Variants in WDFY2 observed in about 807,000 individuals in gnomAD.
WDFY2 encodes WD repeat and FYVE domain-containing protein 2.
In WDFY2, 36 loss-of-function variants were observed where a neutral mutation model predicts 56.4. The observed-to-expected ratio is 0.64, with a 90% CI of 0.49 to 0.84. The LOEUF is 0.84. WDFY2 is among the 40% of genes least tolerant of loss of function. The pLI, the probability that WDFY2 is intolerant of heterozygous loss-of-function variation, is 0.00. For missense variants in WDFY2, 444 were observed against 512.2 expected (o/e 0.87, Z 1.29); for synonymous variants, 176 against 183.7 (o/e 0.96, Z 0.34).
intron 3 of WDFY2, among the ~76,000 whole-genome samples, chr13:51,695,594 T>TG (rs1477638522): frequency 6.6e-6 from 1 of 152,180 alleles, no homozygotes; most frequent in Non-Finnish European, 1.5e-5. Flanking sequence ...CTGCCCCTAC[T>TG]GGGGGGTGCC....
At chr13:51,745,980 T>TTTTC (rs1953093088) in intron 7 of WDFY2, among the ~76,000 whole-genome samples, 2 of 141,240 alleles carry the variant, frequency 1.4e-5, no homozygotes, top group African/African-American at 5.2e-5. Flanking sequence ...TTTCTTTTTT[T>TTTTC]TTTTTTTTTT....
intron 4 of WDFY2, among the ~76,000 whole-genome samples, chr13:51,703,946 A>C (rs1952035981): frequency 6.6e-6 from 1 of 152,214 alleles, no homozygotes; most frequent in Non-Finnish European, 1.5e-5. Context: ...AGGTTTAGAA[A>C]GTGGGTCCAG....
Position 51,675,357 on chromosome 13 carries a change from G to A in WDFY2, c.279+114G>A. The A allele has an allele frequency of 3.2e-6, 3 of 935,394 alleles. No individual in the cohort carries two copies. The South Asian group carries it at 4.7e-5, about 15-fold the overall frequency. 57.9% of individuals were successfully genotyped at this position (935,394 alleles called of 1,614,324 possible). A position where few individuals can be genotyped will look rare whatever the true frequency, so the allele number is the denominator to read the frequency against. ...GAAGAATTTTCTTGCTAAGTAGAAT[G>A]AAAATTGCAGCGTAGCAAATTATGG... On this transcript the variant is annotated intron_variant, in intron 3 of 11. Coordinates refer to ENST00000298125, the MANE Select transcript of WDFY2 (RefSeq NM_052950.4).
chr13:51,584,498 T>G lies in WDFY2; in HGVS notation c.-190T>G. On this transcript the variant is annotated 5_prime_UTR_variant, in exon 1 of 12. Coordinates refer to ENST00000298125, the MANE Select transcript of WDFY2 (RefSeq NM_052950.4). Reference sequence around the variant, plus strand: ...GGCTTGCATCCCAGGTCGTGGCGGTTTTGGTGCCTGAAGCAGGGAGCGCGG... The same window carrying G: ...GGCTTGCATCCCAGGTCGTGGCGGTGTTGGTGCCTGAAGCAGGGAGCGCGG... 4.1e-6 allele frequency: 3 copies of G among 726,020 alleles called. No individual in the cohort carries two copies. The highest frequency in any genetic ancestry group is 6.3e-6 in the Non-Finnish European group (3 of 473,588). 45.0% of individuals were successfully genotyped at this position (726,020 alleles called of 1,614,324 possible).
intron 2 of WDFY2, among the ~76,000 whole-genome samples, chr13:51,670,331 CTT>C (rs1946051252): frequency 6.6e-6 from 1 of 152,122 alleles, no homozygotes; most frequent in African/African-American, 2.4e-5. Flanking sequence ...AAAAGGAAGA[CTT>C]TACTGTAACA....
At chr13:51,585,282 TC>T (rs1385781761) in intron 1 of WDFY2, among the ~76,000 whole-genome samples, 1 of 152,228 alleles carries the variant, frequency 6.6e-6, no homozygotes, top group African/African-American at 2.4e-5. Context: ...CACTCCTTCT[TC>T]CCAGACATTC....
chr13:51,749,850 G>A (rs138319582), intron 7 of WDFY2, among the ~76,000 whole-genome samples: 18 of 152,090 alleles, frequency 1.2e-4, no homozygotes, highest in Non-Finnish European at 1.5e-4. Flanking sequence ...AAGTTGATAC[G>A]CTACAAAACA....
chr13:51,726,880 G>A (rs1952616274), intron 5 of WDFY2, among the ~76,000 whole-genome samples: 2 of 151,992 alleles, frequency 1.3e-5, no homozygotes. Flanking sequence ...AGAGATTTGG[G>A]CCCTTTGTGA....
chr13:51,758,157 CT>C, intron 10 of WDFY2, 34 bp from the exon 11 acceptor site: 10 of 1,505,790 alleles, frequency 6.6e-6, no homozygotes, highest in South Asian at 1.3e-5. Flanking sequence ...ATGTCACCAC[CT>C]TTTCCCCTCA....
chr13:51,657,890 T>C (rs767634141), intron 1 of WDFY2, among the ~76,000 whole-genome samples: 10 of 152,244 alleles, frequency 6.6e-5, no homozygotes, highest in Non-Finnish European at 8.8e-5. Flanking sequence ...TTTTTAAAAC[T>C]GTTAAAGTCT....
Position 51,727,804 on chromosome 13 carries a change from T to A in WDFY2, c.598+14T>A, listed in dbSNP as rs1265876520. 1 of 1,611,560 alleles carries A rather than the reference T, an allele frequency of 6.2e-7. No homozygotes were observed. The highest frequency in any genetic ancestry group is 1.3e-5 in the African/African-American group (1 of 74,976). On this transcript the variant is annotated intron_variant, in intron 6 of 11. Coordinates refer to ENST00000298125, the MANE Select transcript of WDFY2 (RefSeq NM_052950.4). ...GAGGACACACAGGTAGGATTAACAG[T>A]AAAATCGTCATGTGCTGATAGCACA...
At chr13:51,728,193 T>G (rs1226200110) in intron 6 of WDFY2, among the ~76,000 whole-genome samples, 2 of 152,100 alleles carry the variant, frequency 1.3e-5, no homozygotes, top group Non-Finnish European at 1.5e-5. Context: ...ACAAGAAAGA[T>G]TCCCACTTCC....
chr13:51,663,021 G>T (rs1040140146), intron 2 of WDFY2, among the ~76,000 whole-genome samples: 1 of 152,174 alleles, frequency 6.6e-6, no homozygotes, highest in Non-Finnish European at 1.5e-5. Context: ...GATAGGCTGG[G>T]CGGGTTAGAT....
intron 3 of WDFY2, among the ~76,000 whole-genome samples, chr13:51,687,968 C>T (rs1315981833): frequency 5.3e-5 from 8 of 151,990 alleles, no homozygotes; most frequent in Non-Finnish European, 4.4e-5. Flanking sequence ...AATGGGGATG[C>T]GCAGGTCACT....
intron 1 of WDFY2, among the ~76,000 whole-genome samples, chr13:51,654,424 C>T (rs1053087388): frequency 2.6e-5 from 4 of 152,120 alleles, no homozygotes; most frequent in East Asian, 1.9e-4. Context: ...ACTCACTGTC[C>T]GACAATCCCC....
intron 8 of WDFY2, chr13:51,752,927 A>T (rs1383701485): frequency 6.6e-6 from 1 of 152,226 alleles, no homozygotes; most frequent in African/African-American, 2.4e-5. Context: ...GAGGTCTGCG[A>T]CATATATTGA....
chr13:51,621,498 T>G (rs1954725474), intron 1 of WDFY2, among the ~76,000 whole-genome samples: 2 of 152,102 alleles, frequency 1.3e-5, no homozygotes, highest in African/African-American at 4.8e-5. Context: ...AGAGTGAAAC[T>G]TCGTCTCAAA....
intron 1 of WDFY2, among the ~76,000 whole-genome samples, chr13:51,621,936 C>A (rs1173261217): frequency 3.9e-5 from 6 of 152,116 alleles, no homozygotes; most frequent in Non-Finnish European, 8.8e-5. Flanking sequence ...ATCACAGCTC[C>A]ATCCTTTTTT....
intron 1 of WDFY2, among the ~76,000 whole-genome samples, chr13:51,648,766 T>C (rs1315704588): frequency 1.3e-5 from 2 of 152,214 alleles, no homozygotes; most frequent in Non-Finnish European, 2.9e-5. Flanking sequence ...GTTTTAGGTC[T>C]ACAGAATAGG....
Sources: allele counts gnomAD v4.1 joint callset (sites outside exome capture counted in the v4.1 genomes callset), GRCh38; gene constraint gnomAD v4.1.1; transcripts MANE v1.5; gene names NCBI Gene and HGNC (gene_info 2026-07-23, HGNC 2026-07-21).